ATAD1: variants seen among roughly 807,000 people sequenced by gnomAD.
The protein encoded by ATAD1 is ATPase family AAA domain containing 1.
ATAD1 carries 18 observed loss-of-function variants against 42.7 expected under a neutral mutation model. The observed-to-expected ratio is 0.42, with a 90% CI of 0.29 to 0.63. The LOEUF (loss-of-function observed/expected upper bound fraction) is 0.63, where lower values mean the gene tolerates loss of function less well. Among genes scored for constraint, ATAD1 ranks in the 20% least tolerant of loss-of-function variants. The pLI, the probability that ATAD1 is intolerant of heterozygous loss-of-function variation, is 0.19. For synonymous variants in ATAD1, 132 were observed against 143.1 expected, an observed-to-expected ratio of 0.92 and a Z score of 0.55; for missense variants, 294 against 440.4, an observed-to-expected ratio of 0.67 and a Z score of 2.98.
intron 1 of ATAD1, among the ~76,000 whole-genome samples, chr10:87,835,967 C>G (rs954858843): frequency 1.3e-5 from 2 of 152,070 alleles, no homozygotes; most frequent in Admixed American, 6.5e-5. Context: ...TTGCAGTTGT[C>G]TTATGTATTG....
chr10:87,776,602 A>C (rs1356619878), intron 5 of ATAD1, among the ~76,000 whole-genome samples, 175 bp from the exon 6 acceptor site: 1 of 151,954 alleles, frequency 6.6e-6, no homozygotes, highest in Non-Finnish European at 1.5e-5. Context: ...TCGAGTAGCT[A>C]GGACCACAGG....
Position 87,783,677 on chromosome 10 carries a change from GGAACA to G in ATAD1, c.583+788_583+792del, listed in dbSNP as rs574203984. 1.9e-4 allele frequency among the ~76,000 whole-genome samples: 28 copies of G among 151,336 alleles called. No homozygotes were observed. In the East Asian group the frequency reaches 5.0e-3, roughly 27 times the overall value. ...ATATATTTATATATACATCGTACCA[GGAACA>G]GAACAAAAATATTGATCCATAATAT... is the stretch of plus-strand genomic sequence containing the variant. On this transcript the variant is annotated intron_variant, in intron 5 of 9. Transcript: ENST00000680024.
intron 1 of ATAD1, among the ~76,000 whole-genome samples, chr10:87,839,034 C>T (rs1857981399): frequency 6.6e-6 from 1 of 152,140 alleles, no homozygotes; most frequent in Non-Finnish European, 1.5e-5. Context: ...CTTTATAATT[C>T]TACCTGTACA....
chr10:87,821,501 C>A (rs975151534), upstream of ATAD1, among the ~76,000 whole-genome samples: 42 of 152,112 alleles, frequency 2.8e-4, no homozygotes, highest in African/African-American at 9.9e-4. Context: ...CACTGCACTC[C>A]AGCCTGGACA....
chr10:87,790,774 T>C (rs556946853), intron 3 of ATAD1, among the ~76,000 whole-genome samples: 1 of 152,124 alleles, frequency 6.6e-6, no homozygotes, highest in African/African-American at 2.4e-5. Context: ...CACTGGCTGA[T>C]GGGAAAGAGC....
chr10:87,823,462 G>C (rs1349127078), intron 1 of ATAD1, among the ~76,000 whole-genome samples: 2 of 152,118 alleles, frequency 1.3e-5, no homozygotes, highest in Non-Finnish European at 2.9e-5. Context: ...CCCTACTGTA[G>C]CCTCATTAGC....
intron 1 of ATAD1, among the ~76,000 whole-genome samples, chr10:87,826,688 T>C (rs941788692): frequency 6.6e-6 from 1 of 152,182 alleles, no homozygotes; most frequent in Admixed American, 6.5e-5. Context: ...CCATATATAG[T>C]CATCATAGTG....
chr10:87,794,908 GTCCC>G (rs1856308741), intron 2 of ATAD1, among the ~76,000 whole-genome samples: 8 of 152,150 alleles, frequency 5.3e-5, no homozygotes, highest in Non-Finnish European at 1.2e-4. Context: ...TGCAACAGCA[GTCCC>G]ACTTTAACAA....
chr10:87,809,544 A>T (rs900285322), intron 2 of ATAD1, among the ~76,000 whole-genome samples: 1 of 148,846 alleles, frequency 6.7e-6, no homozygotes, highest in African/African-American at 2.5e-5. Flanking sequence ...AAAAAAAAAA[A>T]TCTGCTTATG....
chr10:87,782,673 A>G (rs1271719672), intron 5 of ATAD1, among the ~76,000 whole-genome samples: 1 of 152,196 alleles, frequency 6.6e-6, no homozygotes, highest in Non-Finnish European at 1.5e-5. Flanking sequence ...ATAAAGCAAA[A>G]AAGTCTACTA....
chr10:87,774,967 C>T (rs1278659222), intron 6 of ATAD1, among the ~76,000 whole-genome samples: 1 of 151,854 alleles, frequency 6.6e-6, no homozygotes, highest in East Asian at 1.9e-4. Flanking sequence ...CAAAACAAAA[C>T]AAAACATGAA....
At chr10:87,799,903 A>T (rs1460644976) in intron 2 of ATAD1, among the ~76,000 whole-genome samples, 3 of 151,888 alleles carry the variant, frequency 2.0e-5, no homozygotes, top group Non-Finnish European at 4.4e-5. Context: ...AGACATGTAA[A>T]GAAAGTTGTA....
chr10:87,793,820 A>C (rs1210170913), intron 2 of ATAD1, among the ~76,000 whole-genome samples: 1 of 152,224 alleles, frequency 6.6e-6, no homozygotes, highest in African/African-American at 2.4e-5. Context: ...TTTTGATTAT[A>C]TAGAATCTTG....
At chr10:87,818,021 C>A (rs1857507471) in intron 1 of ATAD1, 146 bp downstream of exon 1, 1 of 985,782 alleles carries the variant, frequency 1.0e-6, no homozygotes, top group Non-Finnish European at 1.2e-6. Context: ...GGCTGCGGGG[C>A]GCTTGGGGGC....
At chr10:87,829,990 C>A (rs916215738) in intron 1 of ATAD1, among the ~76,000 whole-genome samples, 13 of 152,166 alleles carry the variant, frequency 8.5e-5, no homozygotes, top group Admixed American at 8.5e-4. Flanking sequence ...TCACATACTG[C>A]AGAGAAATAT....
At chr10:87,841,055 T>C (rs1162429876) in intron 1 of ATAD1, 1 of 152,188 alleles carries the variant, frequency 6.6e-6, no homozygotes, top group Non-Finnish European at 1.5e-5. Flanking sequence ...TAGTAATTTT[T>C]TTTTTTAATC....
At chr10:87,820,708 A>T (rs893697160), upstream of ATAD1, among the ~76,000 whole-genome samples, 13 of 152,130 alleles carry the variant, frequency 8.5e-5, no homozygotes, top group African/African-American at 3.1e-4. Flanking sequence ...GCCACTGGAA[A>T]CCAAATGCCT....
At chr10:87,814,682 A>G (rs762573524) in intron 1 of ATAD1, 70 bp from the exon 2 acceptor site, 10 of 1,192,344 alleles carry the variant, frequency 8.4e-6, no homozygotes, top group East Asian at 3.1e-5. Flanking sequence ...CTAACAAAGT[A>G]GCTTAAACTA....
intron 6 of ATAD1, among the ~76,000 whole-genome samples, chr10:87,773,952 AATT>A (rs1418496751): frequency 6.6e-6 from 1 of 152,210 alleles, no homozygotes; most frequent in African/African-American, 2.4e-5. Flanking sequence ...TATCAAAACC[AATT>A]ATTAATGAAA....
Sources: allele counts gnomAD v4.1 joint callset (sites outside exome capture counted in the v4.1 genomes callset), GRCh38; gene constraint gnomAD v4.1.1; transcripts MANE v1.5; gene names NCBI Gene and HGNC (gene_info 2026-07-23, HGNC 2026-07-21).